TTC28: variants seen among roughly 807,000 people sequenced by gnomAD.
TTC28 encodes tetratricopeptide repeat domain 28.
TTC28 carries 61 observed loss-of-function variants against 198.0 expected under a neutral mutation model. That is an observed-to-expected ratio of 0.31 (90% CI 0.25 to 0.38). The LOEUF (loss-of-function observed/expected upper bound fraction) is 0.38, where lower values mean the gene tolerates loss of function less well. TTC28 is among the 10% of genes least tolerant of loss of function. TTC28 has a pLI of 1.00. For missense variants in TTC28, 2,678 were observed against 3,164.0 expected, an observed-to-expected ratio of 0.85 and a Z score of 3.69; for synonymous variants, 1,171 against 1,297.8, an observed-to-expected ratio of 0.90 and a Z score of 2.10.
intron 5 of TTC28, among the ~76,000 whole-genome samples, chr22:28,203,771 T>C (rs1189142491): frequency 6.6e-6 from 1 of 152,132 alleles, no homozygotes; most frequent in Non-Finnish European, 1.5e-5. Flanking sequence ...ATTTATTAAG[T>C]GTTCATCTTA....
intron 2 of TTC28, among the ~76,000 whole-genome samples, chr22:28,547,996 T>G (rs1196780290): frequency 2.0e-5 from 3 of 151,986 alleles, no homozygotes; most frequent in African/African-American, 7.2e-5. Flanking sequence ...CACCCAATAC[T>G]GCTGCTCTCT....
intron 2 of TTC28, among the ~76,000 whole-genome samples, chr22:28,428,929 C>T (rs1056426800): frequency 2.0e-5 from 3 of 152,010 alleles, no homozygotes; most frequent in Admixed American, 1.3e-4. Flanking sequence ...CATGAGCCAC[C>T]GCGCCCAGCC....
intron 5 of TTC28, among the ~76,000 whole-genome samples, chr22:28,225,447 G>A (rs962562511): frequency 1.3e-4 from 19 of 151,914 alleles, no homozygotes; most frequent in East Asian, 3.9e-4. Flanking sequence ...TTTTCATTCC[G>A]TTTTCCCAAG....
At chr22:28,334,018 C>T in intron 2 of TTC28, among the ~76,000 whole-genome samples, 1 of 120,730 alleles carries the variant, frequency 8.3e-6, no homozygotes, top group African/African-American at 3.2e-5. Context: ...CACCCCACAA[C>T]AGACCCCAGT....
chr22:28,553,004 G>C (rs1249080809), intron 2 of TTC28, among the ~76,000 whole-genome samples: 1 of 152,142 alleles, frequency 6.6e-6, no homozygotes, highest in Non-Finnish European at 1.5e-5. Flanking sequence ...GGCCGGGCTG[G>C]TCTCCAGCTC....
intron 5 of TTC28, among the ~76,000 whole-genome samples, chr22:28,268,546 C>G (rs1405232913): frequency 2.0e-5 from 3 of 152,156 alleles, no homozygotes; most frequent in African/African-American, 7.2e-5. Flanking sequence ...AACCATTGAA[C>G]CAGAGCAGGC....
intron 5 of TTC28, among the ~76,000 whole-genome samples, chr22:28,255,636 G>A (rs568663629): frequency 1.3e-4 from 20 of 151,242 alleles, no homozygotes; most frequent in East Asian, 7.8e-4. Flanking sequence ...AGCTGAGATC[G>A]TGCCATTACA....
intron 2 of TTC28, among the ~76,000 whole-genome samples, chr22:28,620,057 A>G (rs2050968141): frequency 6.6e-6 from 1 of 152,234 alleles, no homozygotes; most frequent in African/African-American, 2.4e-5. Flanking sequence ...CAGGAGAAAC[A>G]ATAGCCAACA....
intron 5 of TTC28, among the ~76,000 whole-genome samples, chr22:28,202,041 G>C (rs1601467701): frequency 6.6e-6 from 1 of 152,100 alleles, no homozygotes; most frequent in East Asian, 1.9e-4. Context: ...TTAGGAAGTA[G>C]TCTTATCCTC....
chr22:28,184,136 T>C (rs1248015185), intron 5 of TTC28, among the ~76,000 whole-genome samples: 1 of 152,156 alleles, frequency 6.6e-6, no homozygotes, highest in Non-Finnish European at 1.5e-5. Context: ...GGGGTAATGA[T>C]ATCCACCTTA....
intron 5 of TTC28, among the ~76,000 whole-genome samples, chr22:28,247,692 G>A (rs1375949236): frequency 6.6e-6 from 1 of 152,196 alleles, no homozygotes; most frequent in Non-Finnish European, 1.5e-5. Context: ...CTTATAGAAT[G>A]AGAATACTTT....
At chr22:28,139,187 G>C (rs559101585) in intron 6 of TTC28, among the ~76,000 whole-genome samples, 1 of 152,132 alleles carries the variant, frequency 6.6e-6, no homozygotes, top group Non-Finnish European at 1.5e-5. Flanking sequence ...CCTGAGTCTC[G>C]AAAGGCCTAG....
intron 1 of TTC28, among the ~76,000 whole-genome samples, chr22:28,648,946 G>GAGAGAA (rs1555907730): frequency 6.6e-6 from 1 of 151,482 alleles, no homozygotes; most frequent in African/African-American, 2.4e-5. Context: ...GAGAGAGAGA[G>GAGAGAA]AGAAAGAAAG....
chr22:28,199,530 C>CGTATATAT (rs1555937410), intron 5 of TTC28, among the ~76,000 whole-genome samples: 7 of 138,960 alleles, frequency 5.0e-5, no homozygotes, highest in African/African-American at 1.9e-4. Context: ...AATACCTATA[C>CGTATATAT]ATATATATAT....
intron 17 of TTC28, 45 bp from the exon 18 acceptor site, chr22:27,993,563 G>GC (rs1196030661): frequency 1.5e-5 from 23 of 1,492,996 alleles, no homozygotes; most frequent in African/African-American, 2.8e-5. Flanking sequence ...GCCAGCCCTG[G>GC]TTTCCATCCG....
chr22:28,365,655 C>T (rs376654411), intron 2 of TTC28, among the ~76,000 whole-genome samples: 1 of 152,198 alleles, frequency 6.6e-6, no homozygotes, highest in Non-Finnish European at 1.5e-5. Flanking sequence ...TGGTGAAGCC[C>T]ATTCTTGTAA....
At chr22:28,078,607 G>T (rs1941240210) in intron 12 of TTC28, among the ~76,000 whole-genome samples, 1 of 152,134 alleles carries the variant, frequency 6.6e-6, no homozygotes, top group Non-Finnish European at 1.5e-5. Context: ...TCTGATGAAA[G>T]CAGTGTGAAA....
chr22:28,102,276 A>C (rs984655411), intron 8 of TTC28, among the ~76,000 whole-genome samples: 7 of 152,206 alleles, frequency 4.6e-5, no homozygotes, highest in Admixed American at 6.5e-5. Context: ...TTCATGTCTA[A>C]TCTATTTTCC....
At position 28,227,549 on chromosome 22, in the gene TTC28, A is replaced by ACTTGGGGT. The variant is rs1443929730; in HGVS notation, c.934-63951_934-63950insACCCCAAG. Among the ~76,000 whole-genome samples the ACTTGGGGT allele has an allele frequency of 1.2e-4, 18 of 152,342 alleles. No individual in the cohort carries two copies. In the East Asian group the frequency reaches 3.5e-3, roughly 29 times the overall value. On this transcript the variant is annotated intron_variant, in intron 5 of 22. Transcript: ENST00000397906. The stretch of plus-strand genomic sequence containing the variant: ...CTCCTACAACCCAATTCAAAAATGG[A>ACTTGGGGT]CTTGGAACTTGAAGACATTTCTCCA...
Sources: gnomAD v4.1 joint callset for allele counts (sites outside exome capture counted in the v4.1 genomes callset) on GRCh38, gnomAD v4.1.1 for gene constraint, MANE v1.5 for transcripts, NCBI Gene and HGNC (gene_info 2026-07-23, HGNC 2026-07-21) for gene names.